TTC27: variants seen among roughly 807,000 people sequenced by gnomAD.
TTC27 encodes the protein tetratricopeptide repeat protein 27.
A neutral mutation model predicts 115.9 loss-of-function variants in TTC27; 79 were observed. The observed-to-expected ratio is 0.68, with a 90% CI of 0.57 to 0.82. The LOEUF is 0.82. TTC27 is among the 40% of genes least tolerant of loss of function. The probability of loss-of-function intolerance (pLI) is 0.00; values close to 1 mark genes in which losing one functional copy is unlikely to be tolerated. For missense variants in TTC27, 1,054 were observed against 993.1 expected, an observed-to-expected ratio of 1.06 and a Z score of -0.82; for synonymous variants, 401 against 356.0, an observed-to-expected ratio of 1.13 and a Z score of -1.42.
At chr2:32,685,037 T>TA (rs56849157) in intron 9 of TTC27, among the ~76,000 whole-genome samples, 52 of 144,906 alleles carry the variant, frequency 3.6e-4, no homozygotes, top group African/African-American at 1.2e-3. Flanking sequence ...TTTTTTTTTT[T>TA]AATTTTATTA....
chr2:32,663,458 C>T (rs374610341), intron 5 of TTC27, among the ~76,000 whole-genome samples: 4 of 152,140 alleles, frequency 2.6e-5, no homozygotes, highest in South Asian at 4.1e-4. Context: ...CCCGGGTGAT[C>T]GCCTCGCCCT....
rs1297331491 is a variant in TTC27, at chr2:32,632,030, T to C, written c.266+1330T>C. Among the ~76,000 whole-genome samples the C allele has an allele frequency of 2.6e-5, 4 of 151,924 alleles. No individual in the cohort carries two copies. The East Asian group carries it at 7.7e-4, about 29-fold the overall frequency. ...TTCACCATGTTGGCCAGGCTGGTCT[T>C]GAACTGCTGACCTCAGGTGATCTGC... On this transcript the variant is annotated intron_variant, in intron 2 of 19. Transcript: ENST00000317907.
intron 4 of TTC27, among the ~76,000 whole-genome samples, chr2:32,641,858 A>C (rs1664662449): frequency 6.9e-6 from 1 of 145,586 alleles, no homozygotes; most frequent in Non-Finnish European, 1.5e-5. Flanking sequence ...TTGTATTTTT[A>C]TTTATTTATT....
rs17012306 is a variant in TTC27, at chr2:32,813,958, C to T, written c.2308+1343C>T. 7.9e-3 allele frequency among the ~76,000 whole-genome samples: 1,205 copies of T among 152,264 alleles called. 16 individuals carry two copies. The highest frequency in any genetic ancestry group is 0.026 in the African/African-American group (1,094 of 41,534). The stretch of plus-strand genomic sequence containing the variant: ...TTAGAATTCATGTGGCTTCTACTGA[C>T]CTCATGATGGGTGGGCTCAGTTGGG... On this transcript the variant is annotated intron_variant, in intron 18 of 19. Transcript: ENST00000317907.
chr2:32,662,624 T>C (rs1446781811), intron 5 of TTC27, among the ~76,000 whole-genome samples: 2 of 152,192 alleles, frequency 1.3e-5, no homozygotes, highest in African/African-American at 2.4e-5. Flanking sequence ...ATCCCCTTTA[T>C]CATTTTTTAG....
At chr2:32,801,683 G>C (rs1018800289) in intron 16 of TTC27, among the ~76,000 whole-genome samples, 1 of 152,168 alleles carries the variant, frequency 6.6e-6, no homozygotes, top group Non-Finnish European at 1.5e-5. Context: ...TTCATGAAGA[G>C]GGGAGTAGAT....
chr2:32,743,468 A>C (rs1668712745), intron 12 of TTC27, among the ~76,000 whole-genome samples: 1 of 152,166 alleles, frequency 6.6e-6, no homozygotes, highest in Non-Finnish European at 1.5e-5. Flanking sequence ...TCTCTCCCAC[A>C]AATCTCAAAT....
chr2:32,740,637 T>C (rs1668600400), intron 12 of TTC27, among the ~76,000 whole-genome samples: 1 of 151,962 alleles, frequency 6.6e-6, no homozygotes, highest in African/African-American at 2.4e-5. Context: ...ACAGACAACT[T>C]TATTTATTTA....
In TTC27 at chr2:32,645,513, A is replaced by G. The variant is rs186778802; in HGVS notation, c.538-4618A>G. ...AGACCTCAAGTTCACTTTTTTATTA[A>G]TGCCTCAATTTTTTCTTTCTTTGTT... is the stretch of plus-strand genomic sequence containing the variant. On this transcript the variant is annotated intron_variant, in intron 4 of 19. Coordinates refer to ENST00000317907, the MANE Select transcript of TTC27 (RefSeq NM_017735.5). Among the ~76,000 whole-genome samples the G allele has an allele frequency of 2.7e-3, 415 of 152,178 alleles. 6 individuals are homozygous for G. The highest frequency in any genetic ancestry group is 9.4e-3 in the African/African-American group (391 of 41,522).
intron 5 of TTC27, among the ~76,000 whole-genome samples, chr2:32,655,043 C>A (rs1345448904): frequency 6.6e-6 from 1 of 150,488 alleles, no homozygotes; most frequent in African/African-American, 2.5e-5. Context: ...GGCTGGAGTG[C>A]AATGGCGTGA....
chr2:32,731,534 C>T (rs551290912), intron 10 of TTC27, among the ~76,000 whole-genome samples: 19 of 151,990 alleles, frequency 1.3e-4, no homozygotes, highest in Non-Finnish European at 2.5e-4. Context: ...TGCCACCAAC[C>T]CTGGCTATTT....
In TTC27 at chr2:32,650,200, C is replaced by T. The variant is rs763178882; in HGVS notation, c.607C>T (p.Leu203Phe). ...QHLLEERSPL[L>F]FTLAENCIDQ... ...TTTGCTTGAGGAACGCTCACCTCTG[C>T]TTTTTACTCTTGCCGAAAACTGTAT... The change falls in exon 5 of 20, where the codon CTT (leucine) becomes TTT (phenylalanine). Residue 203 changes from leucine to phenylalanine, a missense_variant. Leu to Phe is a conservative substitution (Grantham distance 22, BLOSUM62 0). Coordinates refer to ENST00000317907, the MANE Select transcript of TTC27 (RefSeq NM_017735.5). The T allele has an allele frequency of 1.2e-6, 2 of 1,613,872 alleles. No homozygotes were observed. The highest frequency in any genetic ancestry group is 1.7e-6 in the Non-Finnish European group (2 of 1,179,894).
chr2:32,755,061 C>T (rs528630143), intron 12 of TTC27, among the ~76,000 whole-genome samples: 89 of 150,326 alleles, frequency 5.9e-4, no homozygotes, highest in Admixed American at 1.8e-3. Context: ...ACTTCTCAGA[C>T]GGGGCGGCCG....
intron 10 of TTC27, among the ~76,000 whole-genome samples, chr2:32,719,794 C>G (rs1264639008): frequency 6.6e-6 from 1 of 152,038 alleles, no homozygotes; most frequent in African/African-American, 2.4e-5. Flanking sequence ...ACAGAGGATG[C>G]CTTCCTGTGG....
intron 2 of TTC27, among the ~76,000 whole-genome samples, chr2:32,631,872 G>A (rs1160962633): frequency 2.0e-5 from 3 of 150,720 alleles, no homozygotes; most frequent in Admixed American, 6.6e-5. Flanking sequence ...GTGCAGAGGC[G>A]TGATCTCGGC....
intron 13 of TTC27, among the ~76,000 whole-genome samples, chr2:32,771,011 C>A (rs886761184): frequency 3.3e-5 from 5 of 152,152 alleles, no homozygotes; most frequent in Admixed American, 3.3e-4. Context: ...GTGTAACTTG[C>A]ATAACTGCCA....
intron 10 of TTC27, among the ~76,000 whole-genome samples, chr2:32,713,497 A>G (rs1166944688): frequency 6.6e-6 from 1 of 152,160 alleles, no homozygotes; most frequent in African/African-American, 2.4e-5. Context: ...ATGAATTTTA[A>G]TTACTTGGTT....
At chr2:32,755,026 C>A (rs111670616) in intron 12 of TTC27, among the ~76,000 whole-genome samples, 1 of 151,314 alleles carries the variant, frequency 6.6e-6, no homozygotes, top group African/African-American at 2.4e-5. Flanking sequence ...TCAGATGGGG[C>A]GGCTGCCGGG....
chr2:32,766,849 G>GA (rs1558333243), intron 13 of TTC27, among the ~76,000 whole-genome samples: 1 of 151,982 alleles, frequency 6.6e-6, no homozygotes, highest in Non-Finnish European at 1.5e-5. Context: ...GCAGTGGTGC[G>GA]ATCTCTGCTC....
Sources: gnomAD v4.1 joint callset for allele counts (sites outside exome capture counted in the v4.1 genomes callset) on GRCh38, gnomAD v4.1.1 for gene constraint, MANE v1.5 for transcripts, NCBI Gene and HGNC (gene_info 2026-07-23, HGNC 2026-07-21) for gene names.